The following STK32B variants were observed in gnomAD, a reference collection of about 807,000 sequenced individuals.
STK32B encodes serine/threonine-protein kinase 32B.
Under a neutral mutation model 52.6 loss-of-function variants are expected in STK32B, and 43 were observed. That is an observed-to-expected ratio of 0.82 (90% CI 0.64 to 1.05). The LOEUF is 1.05. STK32B is among the 50% of genes least tolerant of loss of function. STK32B has a pLI of 0.00. For missense variants in STK32B, 621 were observed against 534.6 expected (o/e 1.16, Z -1.59); for synonymous variants, 238 against 204.3 (o/e 1.17, Z -1.41).
intron 3 of STK32B, among the ~76,000 whole-genome samples, chr4:5,285,201 C>T (rs1728469241): frequency 1.3e-5 from 2 of 152,120 alleles, no homozygotes; most frequent in South Asian, 4.1e-4. Context: ...CTTGGTAAGG[C>T]TACCGGTCGA....
intron 3 of STK32B, among the ~76,000 whole-genome samples, chr4:5,317,556 T>A (rs1276337825): frequency 2.4e-5 from 3 of 124,756 alleles, no homozygotes; most frequent in African/African-American, 1.0e-4. Context: ...TATATATATA[T>A]ATAACTTGAA....
At chr4:5,027,044 G>T in the STK32B span, among the ~76,000 whole-genome samples, 1 of 152,234 alleles carries the variant, frequency 6.6e-6, no homozygotes, top group Non-Finnish European at 1.5e-5. Flanking sequence ...CAAGCTGACA[G>T]CCAGGAGGTG....
intron 1 of STK32B, among the ~76,000 whole-genome samples, chr4:5,071,198 C>A (rs191529197): frequency 6.6e-6 from 1 of 152,156 alleles, no homozygotes; most frequent in East Asian, 1.9e-4. Flanking sequence ...TAGGTGCAGA[C>A]TGAAGGATGG....
chr4:5,177,877 C>G, intron 3 of STK32B, among the ~76,000 whole-genome samples: 1 of 152,248 alleles, frequency 6.6e-6, no homozygotes, highest in East Asian at 1.9e-4. Flanking sequence ...TTGGGCAGCT[C>G]TGCCTCTGTG....
At chr4:5,096,380 C>A (rs766839236) in intron 1 of STK32B, among the ~76,000 whole-genome samples, 1 of 152,184 alleles carries the variant, frequency 6.6e-6, no homozygotes, top group Non-Finnish European at 1.5e-5. Flanking sequence ...GGAGCCAGCA[C>A]GTGGTCAACA....
chr4:5,312,694 C>T (rs1299227865), intron 3 of STK32B, among the ~76,000 whole-genome samples: 3 of 150,314 alleles, frequency 2.0e-5, no homozygotes, highest in Admixed American at 1.3e-4. Flanking sequence ...CATTGTTGGA[C>T]ATTTGGGTTG....
chr4:5,176,301 C>G (rs1719888610), intron 3 of STK32B, among the ~76,000 whole-genome samples: 1 of 152,148 alleles, frequency 6.6e-6, no homozygotes, highest in African/African-American at 2.4e-5. Context: ...GTGCTGCACC[C>G]ACTGTTCTGC....
intron 6 of STK32B, among the ~76,000 whole-genome samples, chr4:5,426,011 C>A (rs115506547): frequency 0.014 from 2,141 of 152,280 alleles, 24 homozygotes; most frequent in Middle Eastern, 0.027. Context: ...AGTTGAGGGG[C>A]ACCTGAGTTG....
intron 3 of STK32B, among the ~76,000 whole-genome samples, chr4:5,214,706 A>G (rs1033939219): frequency 5.3e-5 from 8 of 152,184 alleles, no homozygotes; most frequent in Non-Finnish European, 1.2e-4. Context: ...CTCTGTCTCA[A>G]TTTCTTTGGC....
intron 3 of STK32B, among the ~76,000 whole-genome samples, chr4:5,226,407 C>T (rs1399931109): frequency 6.6e-6 from 1 of 152,148 alleles, no homozygotes; most frequent in Non-Finnish European, 1.5e-5. Context: ...CCACAGTCAA[C>T]CATGGTCCAA....
intron 3 of STK32B, among the ~76,000 whole-genome samples, chr4:5,307,121 A>G (rs1577320915): frequency 2.6e-5 from 4 of 151,932 alleles, no homozygotes; most frequent in African/African-American, 4.8e-5. Context: ...TTCCTAGGTG[A>G]TGATCTTTTT....
intron 3 of STK32B, among the ~76,000 whole-genome samples, chr4:5,236,804 C>T (rs1367533757): frequency 6.6e-6 from 1 of 152,096 alleles, no homozygotes; most frequent in Admixed American, 6.6e-5. Context: ...GAGTTATTTC[C>T]AGTTGGGGGC....
intron 1 of STK32B, among the ~76,000 whole-genome samples, chr4:5,100,374 G>A (rs1330471101): frequency 1.7e-5 from 2 of 115,026 alleles, no homozygotes. Flanking sequence ...TGCCTTTCTT[G>A]CCTTCTTCTT....
At chr4:5,457,849 G>A (rs899650994) in intron 8 of STK32B, among the ~76,000 whole-genome samples, 1 of 145,406 alleles carries the variant, frequency 6.9e-6, no homozygotes, top group Admixed American at 6.8e-5. Flanking sequence ...TCCAGCCTGG[G>A]CAACAAGAGC....
intron 1 of STK32B, among the ~76,000 whole-genome samples, chr4:5,101,008 C>T (rs546589827): frequency 6.6e-6 from 1 of 152,272 alleles, no homozygotes; most frequent in South Asian, 2.1e-4. Context: ...AAGTAATCCA[C>T]CTGCCTCAGT....
intron 6 of STK32B, among the ~76,000 whole-genome samples, chr4:5,420,908 TG>T (rs1712583527): frequency 6.6e-6 from 1 of 152,100 alleles, no homozygotes; most frequent in Admixed American, 6.5e-5. Context: ...TGTTTTGTTT[TG>T]TTTTTTTAAG....
At chr4:5,418,859 A>C (rs1008336010) in intron 6 of STK32B, among the ~76,000 whole-genome samples, 1 of 152,230 alleles carries the variant, frequency 6.6e-6, no homozygotes, top group African/African-American at 2.4e-5. Flanking sequence ...AGAGTTGCAC[A>C]TGGGTATTGC....
intron 1 of STK32B, among the ~76,000 whole-genome samples, chr4:5,120,657 A>C (rs750076880): frequency 6.6e-6 from 1 of 152,168 alleles, no homozygotes; most frequent in Non-Finnish European, 1.5e-5. Flanking sequence ...GAGTGAATGT[A>C]ATGTTTAGAG....
chr4:5,272,302 T>C (rs1230021953), intron 3 of STK32B, among the ~76,000 whole-genome samples: 1 of 149,256 alleles, frequency 6.7e-6, no homozygotes, highest in South Asian at 2.2e-4. Flanking sequence ...TATGCTCGAT[T>C]ACATTTATTG....
Sources: gnomAD v4.1 joint callset for allele counts (sites outside exome capture counted in the v4.1 genomes callset) on GRCh38, gnomAD v4.1.1 for gene constraint, MANE v1.5 for transcripts, NCBI Gene and HGNC (gene_info 2026-07-23, HGNC 2026-07-21) for gene names.